The following KPNA4 variants were observed in gnomAD, a reference collection of about 807,000 sequenced individuals.
The protein encoded by KPNA4 is importin subunit alpha-3.
A neutral mutation model predicts 71.3 loss-of-function variants in KPNA4; 13 were observed. The observed-to-expected ratio is 0.18, with a 90% confidence interval of 0.12 to 0.29. KPNA4 has a LOEUF of 0.29. KPNA4 is among the 10% of genes least tolerant of loss of function. KPNA4 has a pLI of 1.00. For missense variants in KPNA4, 334 were observed against 603.2 expected, an observed-to-expected ratio of 0.55 and a Z score of 4.67; for synonymous variants, 189 against 195.2, an observed-to-expected ratio of 0.97 and a Z score of 0.26.
intron 1 of KPNA4, among the ~76,000 whole-genome samples, chr3:160,539,166 T>C (rs548846087): frequency 6.6e-6 from 1 of 152,266 alleles, no homozygotes; most frequent in South Asian, 2.1e-4. Flanking sequence ...TCTATTTGGG[T>C]ACTTTCTCTC....
intron 1 of KPNA4, among the ~76,000 whole-genome samples, chr3:160,557,963 T>A (rs982974729): frequency 1.3e-5 from 2 of 152,228 alleles, no homozygotes; most frequent in East Asian, 3.8e-4. Context: ...ATTACAGGCA[T>A]GAGCCACTGT....
intron 1 of KPNA4, among the ~76,000 whole-genome samples, chr3:160,561,919 A>G (rs1722252293): frequency 6.6e-6 from 1 of 152,084 alleles, no homozygotes; most frequent in Non-Finnish European, 1.5e-5. Context: ...TTACCTATTA[A>G]TCTTCACAAC....
At chr3:160,510,431 G>C (rs1413201412) in intron 13 of KPNA4, among the ~76,000 whole-genome samples, 1 of 151,978 alleles carries the variant, frequency 6.6e-6, no homozygotes, top group Non-Finnish European at 1.5e-5. Flanking sequence ...GGTTATCACA[G>C]CACCATAATA....
intron 1 of KPNA4, among the ~76,000 whole-genome samples, chr3:160,559,393 TAACA>T (rs759507591): frequency 6.6e-6 from 1 of 152,202 alleles, no homozygotes. Flanking sequence ...ATTGTGTGGT[TAACA>T]ATCATGAATT....
intron 12 of KPNA4, chr3:160,515,022 A>G (rs759776880): frequency 2.5e-5 from 13 of 519,122 alleles, no homozygotes; most frequent in Non-Finnish European, 5.0e-5. Flanking sequence ...TCAACAACCC[A>G]TGTTATTTCT....
rs1237817263 is a variant in KPNA4, at chr3:160,497,189, C to CA, written c.*4914dup. Reference sequence around the variant, plus strand: ...CAGCACTTTGGGAAGCCGAGGTGGGCAGATCATTTGCGGTCAGGATTCCAA... The same window carrying CA: ...CAGCACTTTGGGAAGCCGAGGTGGGCAAGATCATTTGCGGTCAGGATTCCAA... On this transcript the variant is annotated 3_prime_UTR_variant, in exon 17 of 17. Coordinates refer to ENST00000334256, the MANE Select transcript of KPNA4 (RefSeq NM_002268.5). 1.3e-5 allele frequency: 2 copies of CA among 152,168 alleles called. No individual in the cohort carries two copies. Among genetic ancestry groups the CA allele is most frequent in the African/African-American group, 4.8e-5 (2 of 41,428 alleles). 9.4% of individuals were successfully genotyped at this position (152,168 alleles called of 1,614,324 possible).
At position 160,543,703 on chromosome 3, in the gene KPNA4, T is replaced by C. The variant is rs78339384; in HGVS notation, c.70-6863A>G. Among the ~76,000 whole-genome samples, 359 of 152,310 alleles carry C rather than the reference T, an allele frequency of 2.4e-3. 1 individual carries two copies. The highest frequency in any genetic ancestry group is 6.8e-3 in the Middle Eastern group (2 of 294). ...CATTTGTAGTTACTATGCATGGCAA[T>C]GTAGTTTCTATGCTAAGAATCATGA... On this transcript the variant is annotated intron_variant, in intron 1 of 16. Coordinates refer to ENST00000334256, the MANE Select transcript of KPNA4 (RefSeq NM_002268.5).
intron 11 of KPNA4, among the ~76,000 whole-genome samples, chr3:160,516,442 T>A (rs202203493): frequency 5.5e-5 from 8 of 145,380 alleles, no homozygotes; most frequent in Non-Finnish European, 7.5e-5. Flanking sequence ...GATAGTGCCA[T>A]AAAAAAAAAA....
At chr3:160,516,595 C>T (rs1319799474) in intron 11 of KPNA4, among the ~76,000 whole-genome samples, 2 of 151,920 alleles carry the variant, frequency 1.3e-5, no homozygotes, top group Admixed American at 6.6e-5. Flanking sequence ...GGCTGGGCAA[C>T]ATGACAAAAC....
At chr3:160,536,163 A>G (rs577610706) in intron 2 of KPNA4, among the ~76,000 whole-genome samples, 1 of 152,134 alleles carries the variant, frequency 6.6e-6, no homozygotes, top group Non-Finnish European at 1.5e-5. Context: ...AAACAAAAAC[A>G]AAAGTTTGAC....
At chr3:160,537,725 A>G (rs1721717808) in intron 1 of KPNA4, among the ~76,000 whole-genome samples, 1 of 151,050 alleles carries the variant, frequency 6.6e-6, no homozygotes, top group Non-Finnish European at 1.5e-5. Context: ...GCAAATGGCA[A>G]CTCCATCCTT....
At chr3:160,527,826 T>C in intron 8 of KPNA4, 127 bp downstream of exon 8, 1 of 586,256 alleles carries the variant, frequency 1.7e-6, no homozygotes, top group Non-Finnish European at 3.0e-6. Context: ...TTCAAATTTC[T>C]GTAAGCTATT....
Position 160,519,516 on chromosome 3 carries a change from C to T in KPNA4, c.903+2263G>A, listed in dbSNP as rs369922530. Among the ~76,000 whole-genome samples the T allele has an allele frequency of 5.9e-5, 9 of 152,126 alleles. No homozygotes were observed. In the East Asian group the frequency reaches 9.7e-4, roughly 16 times the overall value. ...GGTTATGTTAAAAAAAATAGGCGGC[C>T]GGGCGCGGTGGCTCACGCCTGTAAT... On this transcript the variant is annotated intron_variant, in intron 11 of 16. Transcript: ENST00000334256.
intron 11 of KPNA4, among the ~76,000 whole-genome samples, chr3:160,520,256 CT>C (rs540891880): frequency 3.6e-4 from 52 of 144,968 alleles, no homozygotes; most frequent in Admixed American, 6.9e-4. Flanking sequence ...ATTGTTTTTT[CT>C]TTTTTTTTTT....
At chr3:160,535,599 T>C (rs374567124) in intron 4 of KPNA4, 34 bp from the exon 5 acceptor site, 3 of 1,585,460 alleles carry the variant, frequency 1.9e-6, no homozygotes, top group Non-Finnish European at 1.7e-6. Flanking sequence ...GATGTAAATA[T>C]ATCACGATTA....
At chr3:160,514,452 G>A (rs73875290) in intron 12 of KPNA4, among the ~76,000 whole-genome samples, 33,628 of 152,082 alleles carry the variant, frequency 0.22, 4,098 homozygotes, top group Non-Finnish European at 0.27. Flanking sequence ...AAGAAGCTTG[G>A]CTGAACAAAT....
At chr3:160,506,565 T>C (rs763106501) in intron 15 of KPNA4, among the ~76,000 whole-genome samples, 46 of 152,158 alleles carry the variant, frequency 3.0e-4, no homozygotes, top group Non-Finnish European at 5.1e-4. Flanking sequence ...CCCCATCCCC[T>C]AGATGAATCA....
chr3:160,553,556 T>A (rs1050964822), intron 1 of KPNA4, among the ~76,000 whole-genome samples: 1 of 152,190 alleles, frequency 6.6e-6, no homozygotes, highest in South Asian at 2.1e-4. Context: ...TTGGATAATA[T>A]GAGAACTGGT....
chr3:160,504,026 G>A (rs1720935403), intron 16 of KPNA4, among the ~76,000 whole-genome samples: 1 of 152,094 alleles, frequency 6.6e-6, no homozygotes, highest in Non-Finnish European at 1.5e-5. Flanking sequence ...GGAGGTTGCA[G>A]TGAGCTGTGA....
Sources: gnomAD v4.1 joint callset for allele counts (sites outside exome capture counted in the v4.1 genomes callset) on GRCh38, gnomAD v4.1.1 for gene constraint, MANE v1.5 for transcripts, NCBI Gene and HGNC (gene_info 2026-07-23, HGNC 2026-07-21) for gene names.